Variants in MYCBP2 observed in about 807,000 individuals in gnomAD.
MYCBP2 encodes MYC binding protein 2, also known as E3 ubiquitin-protein ligase MYCBP2.
In MYCBP2, 120 loss-of-function variants were observed where a neutral mutation model predicts 525.3. The ratio of observed to expected loss-of-function variants is 0.23; its 90% CI spans 0.20 to 0.27. The LOEUF is 0.27. Among genes scored for constraint, MYCBP2 ranks in the 10% least tolerant of loss-of-function variants. The pLI is 1.00. For synonymous variants in MYCBP2, 1,894 were observed against 1,955.8 expected (o/e 0.97, Z 0.83); for missense variants, 4,149 against 5,657.1 (o/e 0.73, Z 8.55).
chr13:77,192,183 A>G (rs968505731), intron 27 of MYCBP2, among the ~76,000 whole-genome samples: 1 of 152,256 alleles, frequency 6.6e-6, no homozygotes, highest in Non-Finnish European at 1.5e-5. Context: ...TAGTTTTGAA[A>G]GGCAGCATAT....
At chr13:77,160,537 T>C (rs1001871342) in intron 44 of MYCBP2, among the ~76,000 whole-genome samples, 1 of 152,228 alleles carries the variant, frequency 6.6e-6, no homozygotes, top group Non-Finnish European at 1.5e-5. Context: ...CCAGCCTTTG[T>C]TTCCCTTCTG....
chr13:77,221,749 A>T (rs2154292900), intron 20 of MYCBP2, among the ~76,000 whole-genome samples: 1 of 152,260 alleles, frequency 6.6e-6, no homozygotes, highest in East Asian at 1.9e-4. Context: ...CCAACTCTCA[A>T]ATGAGAAACA....
chr13:77,252,472 T>G (rs1175724756), intron 14 of MYCBP2, among the ~76,000 whole-genome samples: 1 of 152,204 alleles, frequency 6.6e-6, no homozygotes, highest in Non-Finnish European at 1.5e-5. Flanking sequence ...GGTAGGGTTT[T>G]GAAGGAACAC....
chr13:77,053,438 A>G (rs1278528563), intron 80 of MYCBP2, among the ~76,000 whole-genome samples: 1 of 152,172 alleles, frequency 6.6e-6, no homozygotes, highest in Non-Finnish European at 1.5e-5. Context: ...TAAATCTATT[A>G]TCTATACTAG....
chr13:77,127,930 T>C (rs947503061), intron 52 of MYCBP2, among the ~76,000 whole-genome samples: 27 of 151,894 alleles, frequency 1.8e-4, no homozygotes, highest in African/African-American at 6.3e-4. Flanking sequence ...TATACAAATA[T>C]GTACTAAGAA....
Position 77,090,122 on chromosome 13 carries a change from A to T in MYCBP2, c.10509T>A (p.Val3503=). 6.2e-7 allele frequency: 1 copy of T among 1,611,064 alleles called. No individual in the cohort carries two copies. Among genetic ancestry groups the T allele is most frequent in the Non-Finnish European group, 8.5e-7 (1 of 1,178,454 alleles). Residue 3503 remains valine, a synonymous_variant, in exon 60 of 83, where the codon GTT becomes GTA. Coordinates refer to ENST00000544440, the MANE Select transcript of MYCBP2 (RefSeq NM_015057.5). ...ARVKAIPRRR[V]NSGDTEVGSS... is the part of the protein sequence containing the mutation. The stretch of plus-strand genomic sequence containing the variant: ...CATACTTACCAGTGTCTCCACTGTT[A>T]ACTCTTCTTCTAGGAATAGCTTTAA...
intron 8 of MYCBP2, among the ~76,000 whole-genome samples, chr13:77,267,423 T>TAAAA (rs1487829983): frequency 3.4e-5 from 5 of 149,220 alleles, no homozygotes; most frequent in South Asian, 4.2e-4. Flanking sequence ...TTAAATTAAA[T>TAAAA]TAAATAAAAT....
intron 80 of MYCBP2, among the ~76,000 whole-genome samples, chr13:77,054,745 C>G (rs1171572554): frequency 6.6e-6 from 1 of 151,958 alleles, no homozygotes; most frequent in Non-Finnish European, 1.5e-5. Flanking sequence ...GGACTACAGG[C>G]AGATGCCAAC....
rs1187508637 is a variant in MYCBP2, at chr13:77,191,690, G to A, written c.4059C>T (p.Thr1353=). Residue 1353 remains threonine (T), a synonymous_variant, in exon 28 of 83, where the codon ACC becomes ACT. Transcript: ENST00000544440. ...GGGCATTTACTTACCCATCATCTGT[G>A]GTAATAGATGCCTGTCCATGAGATC... ...DCGSHGQASI[T]TDDGVVFQFK... is the part of the protein sequence containing the mutation. 1 of 1,613,790 alleles carries A rather than the reference G, an allele frequency of 6.2e-7. No homozygotes were observed.
chr13:77,141,931 T>G (rs772154334), intron 49 of MYCBP2, among the ~76,000 whole-genome samples: 1 of 152,094 alleles, frequency 6.6e-6, no homozygotes, highest in Non-Finnish European at 1.5e-5. Flanking sequence ...GGAGAAAACT[T>G]AGGAAGAAGA....
intron 54 of MYCBP2, among the ~76,000 whole-genome samples, chr13:77,123,701 C>T (rs1438657607): frequency 6.6e-6 from 1 of 152,144 alleles, no homozygotes; most frequent in Non-Finnish European, 1.5e-5. Flanking sequence ...CTTCAGAATC[C>T]ACTCTTACAT....
intron 18 of MYCBP2, among the ~76,000 whole-genome samples, chr13:77,231,890 T>C (rs1480335979): frequency 6.6e-6 from 1 of 152,238 alleles, no homozygotes; most frequent in Non-Finnish European, 1.5e-5. Context: ...TCCTTATATA[T>C]GTATCTTTTC....
In MYCBP2 at chr13:77,194,232, C is replaced by A. The variant is rs2061544820; in HGVS notation, c.3856G>T (p.Gly1286Cys). Residue 1286 changes from glycine to cysteine, a missense_variant, in exon 27 of 83, where the codon GGT becomes TGT. By Grantham distance (159) the Gly-to-Cys change is radical. Transcript: ENST00000544440. ...GTTTCATGATCTCCTCCATCAGGAC[C>A]CAATTCAAACAGCTAAGGAAAGGAG... Reference protein sequence around the residue: ...YTAKIKLFELGPDGGDHETDG... With the variant: ...YTAKIKLFELCPDGGDHETDG... 1.9e-6 allele frequency: 3 copies of A among 1,611,924 alleles called. No individual in the cohort carries two copies. The East Asian group carries it at 6.7e-5, about 36-fold the overall frequency.
At chr13:77,171,746 G>T in intron 37 of MYCBP2, 112 bp from the exon 38 acceptor site, 3 of 1,054,966 alleles carry the variant, frequency 2.8e-6, no homozygotes, top group Non-Finnish European at 4.1e-6. Flanking sequence ...CTTTTTAAAA[G>T]TTAAAAAAGT....
At position 77,316,335 on chromosome 13, in the gene MYCBP2, C is replaced by T. The variant is rs921522938; in HGVS notation, c.302+10139G>A. ...TAGCACTAAAAACCATAAAATGCCC[C>T]GATCAACCAGTTCATTCAGGCTGCC... On this transcript the variant is annotated intron_variant, in intron 1 of 82. Coordinates refer to ENST00000544440, the MANE Select transcript of MYCBP2 (RefSeq NM_015057.5). Among the ~76,000 whole-genome samples the T allele has an allele frequency of 9.8e-4, 149 of 152,136 alleles. 3 individuals are homozygous for T. The highest frequency in any genetic ancestry group is 9.5e-3 in the Admixed American group (145 of 15,274).
intron 1 of MYCBP2, among the ~76,000 whole-genome samples, chr13:77,308,186 C>T (rs1040328675): frequency 3.9e-5 from 6 of 152,176 alleles, no homozygotes; most frequent in Non-Finnish European, 7.3e-5. Context: ...CCCTACCCAT[C>T]AACTCAGAGC....
intron 14 of MYCBP2, among the ~76,000 whole-genome samples, chr13:77,253,504 G>A (rs2071584581): frequency 6.6e-6 from 1 of 151,850 alleles, no homozygotes; most frequent in South Asian, 2.1e-4. Context: ...AAAGAAACTG[G>A]ACACAAAAGA....
In MYCBP2 at chr13:77,072,216, A is replaced by C. The variant is rs554797745; in HGVS notation, c.11824-1505T>G. Among the ~76,000 whole-genome samples, 172 of 151,010 alleles carry C rather than the reference A, an allele frequency of 1.1e-3. 1 individual carries two copies. Among genetic ancestry groups the C allele is most frequent in the African/African-American group, 4.1e-3 (169 of 41,164 alleles). On this transcript the variant is annotated intron_variant, in intron 68 of 82. Transcript: ENST00000544440. ...TGAGGCAGGAGAATGGCGTGAACCCAGGAGTCAGAGCTTGCAGTGAGCCGA... is the reference window on the plus strand; with the variant it reads ...TGAGGCAGGAGAATGGCGTGAACCCCGGAGTCAGAGCTTGCAGTGAGCCGA...
At chr13:77,263,267 T>C (rs1428470765) in intron 10 of MYCBP2, among the ~76,000 whole-genome samples, 1 of 152,060 alleles carries the variant, frequency 6.6e-6, no homozygotes, top group Non-Finnish European at 1.5e-5. Flanking sequence ...GAGAACTATG[T>C]ATATTGTTGT....
Sources: gnomAD v4.1 joint callset for allele counts (sites outside exome capture counted in the v4.1 genomes callset) on GRCh38, gnomAD v4.1.1 for gene constraint, MANE v1.5 for transcripts, NCBI Gene and HGNC (gene_info 2026-07-23, HGNC 2026-07-21) for gene names.